Variants in PLXNA4 observed in about 807,000 individuals in gnomAD.
PLXNA4 encodes the protein plexin A4, also known as plexin-A4.
Under a neutral mutation model 191.8 loss-of-function variants are expected in PLXNA4, and 44 were observed. The ratio of observed to expected loss-of-function variants is 0.23; its 90% CI spans 0.18 to 0.29. The LOEUF (loss-of-function observed/expected upper bound fraction) is 0.29, where lower values mean the gene tolerates loss of function less well. Among genes scored for constraint, PLXNA4 ranks in the 10% least tolerant of loss-of-function variants. PLXNA4 has a pLI of 1.00. For synonymous variants in PLXNA4, 1,082 were observed against 1,009.5 expected (o/e 1.07, Z -1.36); for missense variants, 1,800 against 2,488.8 (o/e 0.72, Z 5.89).
intron 3 of PLXNA4, among the ~76,000 whole-genome samples, chr7:132,315,347 A>C (rs1047700569): frequency 6.6e-6 from 1 of 152,238 alleles, no homozygotes; most frequent in Non-Finnish European, 1.5e-5. Flanking sequence ...TTCTTGTCCA[A>C]AACAAGATTC....
At chr7:132,216,227 A>G (rs529177519) in intron 9 of PLXNA4, among the ~76,000 whole-genome samples, 6 of 152,212 alleles carry the variant, frequency 3.9e-5, no homozygotes, top group Non-Finnish European at 5.9e-5. Flanking sequence ...TGTGTTAAGC[A>G]TAGAGAAGAA....
intron 3 of PLXNA4, among the ~76,000 whole-genome samples, chr7:132,328,476 T>TCCTGCC (rs1232082944): frequency 1.3e-5 from 2 of 152,190 alleles, no homozygotes; most frequent in African/African-American, 2.4e-5. Flanking sequence ...CGGGGGGGCC[T>TCCTGCC]CCTGCCCCTG....
At chr7:132,302,746 A>C (rs1801355491) in intron 3 of PLXNA4, among the ~76,000 whole-genome samples, 1 of 152,000 alleles carries the variant, frequency 6.6e-6, no homozygotes, top group Non-Finnish European at 1.5e-5. Context: ...AAGACAGCCC[A>C]TGCCAGAAAG....
At chr7:132,292,329 G>A (rs1370952070) in intron 4 of PLXNA4, among the ~76,000 whole-genome samples, 3 of 152,178 alleles carry the variant, frequency 2.0e-5, no homozygotes, top group East Asian at 1.9e-4. Flanking sequence ...AGAAACTAGG[G>A]ACAAGAAGGG....
rs1442106526 is a variant in PLXNA4 at position 132,202,793 on chromosome 7, C to G, written c.2439G>C (p.Leu813=). Reference sequence around the variant, plus strand: ...CGAAGTCTGGGTCAGCCTTGAGGCACAGCCCGCAGCTCTCACGCATGGCTC... The same window carrying G: ...CGAAGTCTGGGTCAGCCTTGAGGCAGAGCCCGCAGCTCTCACGCATGGCTC... The part of the protein sequence containing the change: ...KCGAMRESCG[L]CLKADPDFAC... Residue 813 remains leucine (L), a synonymous_variant, in exon 12 of 32, where the codon CTG becomes CTC. Coordinates refer to ENST00000321063, the MANE Select transcript of PLXNA4 (RefSeq NM_020911.2). 1.2e-6 allele frequency: 2 copies of G among 1,609,226 alleles called. No individual in the cohort carries two copies. The highest frequency in any genetic ancestry group is 1.7e-6 in the Non-Finnish European group (2 of 1,177,688).
chr7:132,581,979 G>C (rs530355864), upstream of PLXNA4, among the ~76,000 whole-genome samples: 12 of 152,190 alleles, frequency 7.9e-5, no homozygotes, highest in Non-Finnish European at 1.6e-4. Context: ...GGGAGGGAGG[G>C]GGTGTGACTT....
chr7:132,361,197 C>T (rs991031124), intron 3 of PLXNA4, among the ~76,000 whole-genome samples: 4 of 152,052 alleles, frequency 2.6e-5, no homozygotes, highest in Non-Finnish European at 4.4e-5. Flanking sequence ...AGAGAAGTGT[C>T]GCAGGTTGGC....
chr7:132,481,790 C>T (rs540781185), intron 3 of PLXNA4, among the ~76,000 whole-genome samples: 12 of 152,322 alleles, frequency 7.9e-5, no homozygotes, highest in Admixed American at 3.9e-4. Context: ...TGTCCATCAT[C>T]GAGCACTGCC....
chr7:132,600,396 C>T (rs577492840), intron 2 of PLXNA4, among the ~76,000 whole-genome samples: 9 of 152,274 alleles, frequency 5.9e-5, no homozygotes, highest in African/African-American at 2.2e-4. Context: ...CAGGGTCTTA[C>T]TCTGTCACCC....
At chr7:132,330,281 C>T (rs1473853812) in intron 3 of PLXNA4, among the ~76,000 whole-genome samples, 2 of 152,158 alleles carry the variant, frequency 1.3e-5, no homozygotes, top group East Asian at 1.9e-4. Flanking sequence ...GAGAGTCCCT[C>T]GCAGTGCTGG....
chr7:132,508,966 G>A lies in PLXNA4; in HGVS notation c.-86-187C>T, dbSNP rs1441925055. Reference sequence around the variant, plus strand: ...ACACAGTCAGAGCCGGGTGGCAGCAGCCCCAGGAGGACACATCAGTAACGA... The same window carrying A: ...ACACAGTCAGAGCCGGGTGGCAGCAACCCCAGGAGGACACATCAGTAACGA... On this transcript the variant is annotated intron_variant, in intron 1 of 31. Coordinates refer to ENST00000321063, the MANE Select transcript of PLXNA4 (RefSeq NM_020911.2). This position sits in a 1 kb window ranked among gnomAD's most constrained non-coding sequence, Gnocchi z 4.4. Among the ~76,000 whole-genome samples, 1 of 152,222 alleles carries A rather than the reference G, an allele frequency of 6.6e-6. No individual in the cohort carries two copies. The highest frequency in any genetic ancestry group is 2.4e-5 in the African/African-American group (1 of 41,462).
At chr7:132,334,369 T>C (rs971590063) in intron 3 of PLXNA4, among the ~76,000 whole-genome samples, 4 of 147,736 alleles carry the variant, frequency 2.7e-5, no homozygotes, top group African/African-American at 1.0e-4. Flanking sequence ...ATGATCCTCC[T>C]GCCATAGCCT....
At chr7:132,623,200 G>C (rs1215146000) in intron 2 of PLXNA4, among the ~76,000 whole-genome samples, 1 of 152,030 alleles carries the variant, frequency 6.6e-6, no homozygotes, top group Non-Finnish European at 1.5e-5. Flanking sequence ...ACAAAAATTA[G>C]CCGGGCGTGG....
chr7:132,537,729 G>C (rs868039393), intron 1 of PLXNA4, among the ~76,000 whole-genome samples: 5 of 152,316 alleles, frequency 3.3e-5, no homozygotes, highest in Middle Eastern at 3.4e-3. Context: ...CCCTCTGAGA[G>C]TGAGGTGTCA....
chr7:132,527,042 T>A, intron 1 of PLXNA4, among the ~76,000 whole-genome samples: 1 of 152,178 alleles, frequency 6.6e-6, no homozygotes, highest in East Asian at 1.9e-4. Flanking sequence ...AGGCCCCGGG[T>A]TAAATCCTGT....
chr7:132,375,424 C>T (rs78896453), intron 3 of PLXNA4, among the ~76,000 whole-genome samples: 50 of 152,262 alleles, frequency 3.3e-4, no homozygotes, highest in African/African-American at 1.2e-3. Context: ...GACTTGGCTC[C>T]CCAGCCCCAG....
chr7:132,140,866 T>C, intron 29 of PLXNA4, 55 bp from the exon 30 acceptor site: 1 of 1,602,674 alleles, frequency 6.2e-7, no homozygotes, highest in Non-Finnish European at 8.5e-7. Context: ...GGGGCTGTGG[T>C]GTGGGTAGGA....
At chr7:132,647,411 TCATA>T (rs988786696) in intron 1 of PLXNA4, among the ~76,000 whole-genome samples, 2 of 151,762 alleles carry the variant, frequency 1.3e-5, no homozygotes, top group Non-Finnish European at 2.9e-5. Flanking sequence ...GCACACACTG[TCATA>T]CAATCACACT....
At chr7:132,385,070 A>T in intron 3 of PLXNA4, 8 of 1,519,042 alleles carry the variant, frequency 5.3e-6, no homozygotes, top group Non-Finnish European at 7.1e-6. Context: ...GTGGCAGGAC[A>T]TGAGCTATGA....
Sources: allele counts gnomAD v4.1 joint callset (sites outside exome capture counted in the v4.1 genomes callset), GRCh38; gene constraint gnomAD v4.1.1; non-coding constraint Gnocchi (gnomAD v3.1); transcripts MANE v1.5; gene names NCBI Gene and HGNC (gene_info 2026-07-23, HGNC 2026-07-21).